The following GABRB2 variants were observed in gnomAD, a reference collection of about 807,000 sequenced individuals.
GABRB2 encodes gamma-aminobutyric acid receptor subunit beta-2.
Under a neutral mutation model 54.7 loss-of-function variants are expected in GABRB2, and 16 were observed. The ratio of observed to expected loss-of-function variants is 0.29; its 90% CI spans 0.20 to 0.44. The LOEUF (loss-of-function observed/expected upper bound fraction) is 0.44. GABRB2 is among the 20% of genes least tolerant of loss of function. The pLI, the probability that GABRB2 is intolerant of heterozygous loss-of-function variation, is 1.00. For synonymous variants in GABRB2, 244 were observed against 233.8 expected (o/e 1.04, Z -0.40); for missense variants, 355 against 644.0 (o/e 0.55, Z 4.86).
chr5:161,512,386 T>C (rs183406558), intron 3 of GABRB2, among the ~76,000 whole-genome samples: 28 of 151,710 alleles, frequency 1.8e-4, no homozygotes, highest in African/African-American at 6.3e-4. Flanking sequence ...GACACAAAAA[T>C]AGACATGTAG....
chr5:161,367,266 A>G (rs1413227663), intron 5 of GABRB2, among the ~76,000 whole-genome samples: 1 of 152,200 alleles, frequency 6.6e-6, no homozygotes. Flanking sequence ...AATGTTCTGC[A>G]TGTGATTTAA....
At chr5:161,355,125 T>C (rs936168551) in intron 5 of GABRB2, among the ~76,000 whole-genome samples, 3 of 151,844 alleles carry the variant, frequency 2.0e-5, no homozygotes, top group Non-Finnish European at 4.4e-5. Flanking sequence ...CCTATAATAA[T>C]TGCTTTTTAT....
At chr5:161,478,540 T>G (rs2113319100) in intron 3 of GABRB2, among the ~76,000 whole-genome samples, 1 of 152,180 alleles carries the variant, frequency 6.6e-6, no homozygotes, top group South Asian at 2.1e-4. Flanking sequence ...TACAATATGC[T>G]TGTGTTTTCT....
intron 3 of GABRB2, among the ~76,000 whole-genome samples, chr5:161,490,503 A>C (rs1417612915): frequency 6.6e-6 from 1 of 151,718 alleles, no homozygotes. Context: ...AACCCTTATG[A>C]GGCTTAATTG....
At position 161,292,531 on chromosome 5, in the gene GABRB2, A is replaced by G. The variant is rs1181741744; in HGVS notation, c.*1550T>C. 2.6e-5 allele frequency: 4 copies of G among 152,220 alleles called. No individual in the cohort carries two copies. The highest frequency in any genetic ancestry group is 2.4e-5 in the African/African-American group (1 of 41,464). 9.4% of individuals were successfully genotyped at this position (152,220 alleles called of 1,614,324 possible). Reference sequence around the variant, plus strand: ...TTAGTGTAGAAAGAAGCACAATGGCATAACTTAAAAATAGAAAAAAAATAC... The same window carrying G: ...TTAGTGTAGAAAGAAGCACAATGGCGTAACTTAAAAATAGAAAAAAAATAC... On this transcript the variant is annotated 3_prime_UTR_variant, in exon 10 of 10. Transcript: ENST00000393959.
At chr5:161,431,267 C>G (rs1204154194) in intron 4 of GABRB2, among the ~76,000 whole-genome samples, 1 of 151,938 alleles carries the variant, frequency 6.6e-6, no homozygotes, top group Non-Finnish European at 1.5e-5. Flanking sequence ...AATTATTGTT[C>G]AATATATGCT....
chr5:161,539,302 C>T (rs958990130), intron 3 of GABRB2, among the ~76,000 whole-genome samples: 8 of 152,196 alleles, frequency 5.3e-5, no homozygotes, highest in African/African-American at 1.9e-4. Context: ...AAGCTTTCTG[C>T]TCAGGAGCAT....
At chr5:161,460,862 G>A (rs1455295571) in intron 3 of GABRB2, among the ~76,000 whole-genome samples, 1 of 152,248 alleles carries the variant, frequency 6.6e-6, no homozygotes. Flanking sequence ...CTGGAATGGT[G>A]ACAAAAAGCT....
rs1366165698 is a variant in GABRB2 at position 161,292,296 on chromosome 5, T to A, written c.*1785A>T. 6.6e-6 allele frequency: 1 copy of A among 152,158 alleles called. No individual in the cohort carries two copies. Among genetic ancestry groups the A allele is most frequent in the East Asian group, 1.9e-4 (1 of 5,192 alleles). 9.4% of individuals were successfully genotyped at this position (152,158 alleles called of 1,614,324 possible). A position where few individuals can be genotyped will look rare whatever the true frequency, so the allele number is the denominator to read the frequency against. On this transcript the variant is annotated 3_prime_UTR_variant, in exon 10 of 10. Coordinates refer to ENST00000393959, the MANE Select transcript of GABRB2 (RefSeq NM_001371727.1). ...ACTGGCTGCTATGCACAATTAGGGA[T>A]ATTACTCTAAAAAGAAGAGCTTTCT...
In GABRB2 at chr5:161,292,751, ACT is replaced by A. The variant is rs956606964; in HGVS notation, c.*1328_*1329del. The stretch of plus-strand genomic sequence containing the variant: ...CCCAAACCAATGAATGCACAAATTA[ACT>A]CTCTGTGTGTTCATACTCCTTGAAG... On this transcript the variant is annotated 3_prime_UTR_variant, in exon 10 of 10. Transcript: ENST00000393959. 7 of 152,122 alleles carry A rather than the reference ACT, an allele frequency of 4.6e-5. No homozygotes were observed. Among genetic ancestry groups the A allele is most frequent in the Non-Finnish European group, 8.8e-5 (6 of 68,008 alleles). The allele number at this position is 152,122 out of a possible 1,614,324, so 9.4% of individuals were successfully genotyped here.
intron 9 of GABRB2, among the ~76,000 whole-genome samples, chr5:161,303,891 C>T (rs1161847265): frequency 1.3e-5 from 2 of 152,152 alleles, no homozygotes; most frequent in Non-Finnish European, 2.9e-5. Context: ...ACTCCCTCCC[C>T]CAGTTTCAAT....
intron 6 of GABRB2, among the ~76,000 whole-genome samples, chr5:161,336,070 C>A (rs1370451854): frequency 2.0e-5 from 3 of 152,170 alleles, no homozygotes; most frequent in African/African-American, 4.8e-5. Context: ...TAAAGTATGA[C>A]CATATAAAAT....
intron 9 of GABRB2, among the ~76,000 whole-genome samples, chr5:161,320,099 T>C (rs915387742): frequency 1.3e-5 from 2 of 151,794 alleles, no homozygotes; most frequent in Non-Finnish European, 3.0e-5. Flanking sequence ...ATTTTACTTG[T>C]GGGTTATTTT....
intron 3 of GABRB2, among the ~76,000 whole-genome samples, chr5:161,480,346 GA>G (rs1284984377): frequency 6.6e-6 from 1 of 151,960 alleles, no homozygotes; most frequent in Non-Finnish European, 1.5e-5. Flanking sequence ...TAATAATAGA[GA>G]GATGATGTTT....
chr5:161,338,548 G>A (rs1235642423), intron 5 of GABRB2, among the ~76,000 whole-genome samples: 1 of 152,084 alleles, frequency 6.6e-6, no homozygotes, highest in Non-Finnish European at 1.5e-5. Flanking sequence ...AGCACTTTGG[G>A]AGGCCAATGC....
At chr5:161,476,702 C>G (rs183036083) in intron 3 of GABRB2, among the ~76,000 whole-genome samples, 1 of 151,734 alleles carries the variant, frequency 6.6e-6, no homozygotes, top group East Asian at 1.9e-4. Context: ...GAGACAGTGT[C>G]TTCAACAAAT....
At chr5:161,331,235 A>G (rs769789965) in intron 7 of GABRB2, 108 bp from the exon 8 acceptor site, 19 of 1,299,590 alleles carry the variant, frequency 1.5e-5, no homozygotes, top group East Asian at 2.3e-5. Flanking sequence ...ATATGCCACA[A>G]TCTATTTATT....
chr5:161,434,509 C>T (rs1206688460), intron 4 of GABRB2, among the ~76,000 whole-genome samples: 1 of 151,996 alleles, frequency 6.6e-6, no homozygotes, highest in Non-Finnish European at 1.5e-5. Flanking sequence ...ATGTTCCAGC[C>T]TTTCTCAAAA....
Position 161,445,294 on chromosome 5 carries a change from C to T in GABRB2, c.458+14330G>A, listed in dbSNP as rs189837223. 1.1e-4 allele frequency among the ~76,000 whole-genome samples: 17 copies of T among 152,244 alleles called. No individual in the cohort carries two copies. In the East Asian group the frequency reaches 3.1e-3, roughly 28 times the overall value. ...ATAAAGTTCAGGGTAAAGTAGTTGG[C>T]TTTCTCTTCTTGCAAGCACAGGAGT... On this transcript the variant is annotated intron_variant, in intron 4 of 9. Transcript: ENST00000393959.
Sources: allele counts gnomAD v4.1 joint callset (sites outside exome capture counted in the v4.1 genomes callset), GRCh38; gene constraint gnomAD v4.1.1; transcripts MANE v1.5; gene names NCBI Gene and HGNC (gene_info 2026-07-23, HGNC 2026-07-21).